Variants in DPPA4 observed in about 807,000 individuals in gnomAD.
DPPA4 encodes the protein developmental pluripotency-associated protein 4.
In DPPA4, 22 loss-of-function variants were observed where a neutral mutation model predicts 33.7. The observed-to-expected ratio is 0.65, with a 90% CI of 0.47 to 0.93. DPPA4 has a LOEUF of 0.93. Ranked by LOEUF, DPPA4 falls within the 40% of genes least tolerant of loss-of-function variation. DPPA4 has a pLI of 0.00. For missense variants in DPPA4, 340 were observed against 358.6 expected, an observed-to-expected ratio of 0.95 and a Z score of 0.42; for synonymous variants, 156 against 132.3, an observed-to-expected ratio of 1.18 and a Z score of -1.23.
At chr3:109,330,331 A>AAAAAAG (rs777601172) in intron 5 of DPPA4, 193 bp downstream of exon 5, 1 of 356,500 alleles carries the variant, frequency 2.8e-6, no homozygotes, top group Admixed American at 6.1e-5. Context: ...AAAAAAAAAA[A>AAAAAAG]GGAAAAAAAA....
chr3:109,339,080 A>G (rs1356102997), upstream of DPPA4, among the ~76,000 whole-genome samples: 2 of 150,526 alleles, frequency 1.3e-5, no homozygotes, highest in Non-Finnish European at 2.9e-5. Flanking sequence ...AATCCCAGCT[A>G]CCAAGGAGGT....
Position 109,326,618 on chromosome 3 carries a change from A to G in DPPA4, c.*1370T>C, listed in dbSNP as rs956877267. The stretch of plus-strand genomic sequence containing the variant: ...AAGATCCCCTACTTGTAATAACAAA[A>G]CAATGTTGGAAACTGTCATTAAATC... On this transcript the variant is annotated 3_prime_UTR_variant, in exon 7 of 7. Transcript: ENST00000335658. The G allele has an allele frequency of 6.6e-6, 1 of 152,218 alleles. No individual in the cohort carries two copies. The highest frequency in any genetic ancestry group is 1.5e-5 in the Non-Finnish European group (1 of 68,034). The allele number at this position is 152,218 out of a possible 1,614,324, so 9.4% of individuals were successfully genotyped here. A position where few individuals can be genotyped will look rare whatever the true frequency, so the allele number is the denominator to read the frequency against.
chr3:109,328,849 G>A lies in DPPA4; in HGVS notation c.878+41C>T, dbSNP rs183568386. 44 of 1,555,420 alleles carry A rather than the reference G, an allele frequency of 2.8e-5. No homozygotes were observed. In the Middle Eastern group the frequency reaches 6.8e-4, roughly 24 times the overall value. ...CTTAACTTTCTGCAATTGAAAATCC[G>A]GCACCCACTTTTAGTTTGTAGAAAA... On this transcript the variant is annotated intron_variant, in intron 6 of 6. Transcript: ENST00000335658.
chr3:109,332,133 T>C (rs1163438), intron 2 of DPPA4, 102 bp from the exon 3 acceptor site: 841,700 of 1,113,138 alleles, frequency 0.76, 322,220 homozygotes, highest in East Asian at 1. Flanking sequence ...GACAGAATCT[T>C]GCTCTGTCGC....
intron 3 of DPPA4, 22 bp downstream of exon 3, chr3:109,331,849 C>G (rs377670885): frequency 6.2e-7 from 1 of 1,613,474 alleles, no homozygotes; most frequent in Non-Finnish European, 8.5e-7. Context: ...CCAGCAGCAC[C>G]GTCCCCAGCC....
chr3:109,337,538 C>G lies in DPPA4; in HGVS notation c.-21G>C. On this transcript the variant is annotated 5_prime_UTR_variant, in exon 1 of 7. Transcript: ENST00000335658. Reference sequence around the variant, plus strand: ...AACATGCTTCCAAAATGGCCCCTGCCCCAAGATTGCTATTTGCAAAGTCTC... The same window carrying G: ...AACATGCTTCCAAAATGGCCCCTGCGCCAAGATTGCTATTTGCAAAGTCTC... 1 of 1,613,640 alleles carries G rather than the reference C, an allele frequency of 6.2e-7. No individual in the cohort carries two copies.
intron 1 of DPPA4, among the ~76,000 whole-genome samples, chr3:109,336,038 A>G (rs934950368): frequency 1.3e-4 from 19 of 151,716 alleles, no homozygotes; most frequent in African/African-American, 3.4e-4. Flanking sequence ...CTGCAATCCC[A>G]GCTAATCGAG....
upstream of DPPA4, among the ~76,000 whole-genome samples, chr3:109,339,062 G>A (rs1426003951): frequency 4.0e-5 from 6 of 150,102 alleles, no homozygotes; most frequent in African/African-American, 7.6e-5. Context: ...GGCATGGTGC[G>A]TGCCTGTAAT....
intron 2 of DPPA4, among the ~76,000 whole-genome samples, chr3:109,332,865 G>A (rs555444894): frequency 6.6e-6 from 1 of 152,094 alleles, no homozygotes; most frequent in Admixed American, 6.5e-5. Context: ...GCCGAGGTGG[G>A]TGGATAACCT....
Position 109,330,327 on chromosome 3 carries a change from A to G in DPPA4, c.679+197T>C, listed in dbSNP as rs60451445. 123 of 365,080 alleles carry G rather than the reference A, an allele frequency of 3.4e-4. 28 individuals carry two copies. Among genetic ancestry groups the G allele is most frequent in the African/African-American group, 8.9e-4 (15 of 16,936 alleles). The allele number at this position is 365,080 out of a possible 1,614,324, so 22.6% of individuals were successfully genotyped here. A position where few individuals can be genotyped will look rare whatever the true frequency, so the allele number is the denominator to read the frequency against. On this transcript the variant is annotated intron_variant, in intron 5 of 6. Coordinates refer to ENST00000335658, the MANE Select transcript of DPPA4 (RefSeq NM_018189.4). ...AAAAAAAAAAAAAAAAAAAAAAAAA[A>G]AAAAGGAAAAAAAAAAAAGAAATGC...
At chr3:109,335,299 A>AT (rs1426117863) in intron 1 of DPPA4, among the ~76,000 whole-genome samples, 2 of 151,974 alleles carry the variant, frequency 1.3e-5, no homozygotes, top group Non-Finnish European at 2.9e-5. Context: ...CTACAGGATA[A>AT]TTTTTTGTAG....
rs751357374 is a variant in DPPA4, at chr3:109,331,798, A to C, written c.340-14T>G. The C allele has an allele frequency of 6.2e-7, 1 of 1,613,686 alleles. No homozygotes were observed. The highest frequency in any genetic ancestry group is 1.1e-5 in the South Asian group (1 of 91,064). ...TGCATCCAATTTCTAAGACAATAGA[A>C]AACTGAGTTAGTAAGGCAAATAAGG... On this transcript the variant is annotated splice_polypyrimidine_tract_variant and intron_variant, in intron 3 of 6. Transcript: ENST00000335658.
chr3:109,332,621 AC>A (rs1210213690), intron 2 of DPPA4, among the ~76,000 whole-genome samples: 2 of 152,030 alleles, frequency 1.3e-5, no homozygotes, highest in Non-Finnish European at 2.9e-5. Flanking sequence ...GGTGTCCTCT[AC>A]CCCCAGAGCA....
chr3:109,328,811 G>T, intron 6 of DPPA4, 79 bp downstream of exon 6: 1 of 1,302,812 alleles, frequency 7.7e-7, no homozygotes, highest in South Asian at 1.5e-5. Context: ...GGCTATTTAA[G>T]ATTAATGTAT....
intron 5 of DPPA4, 47 bp downstream of exon 5, chr3:109,330,477 G>A (rs766449489): frequency 6.2e-7 from 1 of 1,605,120 alleles, no homozygotes; most frequent in African/African-American, 1.3e-5. Context: ...TATCTACTAA[G>A]CTTATTTCCC....
Position 109,337,482 on chromosome 3 carries a change from C to A in DPPA4, c.36G>T (p.Glu12Asp). 1 of 1,614,130 alleles carries A rather than the reference C, an allele frequency of 6.2e-7. No homozygotes were observed. Among genetic ancestry groups the A allele is most frequent in the Middle Eastern group, 1.6e-4 (1 of 6,062 alleles). Residue 12 changes from glutamate to aspartate, a missense_variant, in exon 1 of 7, where the codon GAG (glutamate) becomes GAT (aspartate). Coordinates refer to ENST00000335658, the MANE Select transcript of DPPA4 (RefSeq NM_018189.4). ...TACTGACCTCCTTGCCTTTTGCCTT[C>A]TCCATACTTGTAGAAGAAGCGGAGC... ...LRGSASSTSM[E>D]KAKGKEWTST...
At chr3:109,334,676 A>C (rs1003823046) in intron 1 of DPPA4, among the ~76,000 whole-genome samples, 3 of 152,158 alleles carry the variant, frequency 2.0e-5, no homozygotes, top group African/African-American at 7.2e-5. Context: ...GAAAAGTTTC[A>C]GTGGTTTATT....
intron 1 of DPPA4, among the ~76,000 whole-genome samples, chr3:109,336,973 T>C (rs1009995004): frequency 2.6e-5 from 4 of 152,188 alleles, no homozygotes; most frequent in Non-Finnish European, 5.9e-5. Context: ...CGATCTCGGC[T>C]CACCGCAACC....
intron 6 of DPPA4, among the ~76,000 whole-genome samples, 186 bp downstream of exon 6, chr3:109,328,704 C>T (rs905492308): frequency 2.6e-5 from 4 of 152,172 alleles, no homozygotes; most frequent in African/African-American, 7.2e-5. Flanking sequence ...AAGCATTAAA[C>T]CCTGACACAT....
Sources: allele counts gnomAD v4.1 joint callset (sites outside exome capture counted in the v4.1 genomes callset), GRCh38; gene constraint gnomAD v4.1.1; transcripts MANE v1.5; gene names NCBI Gene and HGNC (gene_info 2026-07-23, HGNC 2026-07-21).